The following PRUNE2 variants were observed in gnomAD, a reference collection of about 807,000 sequenced individuals.
PRUNE2 encodes the protein protein prune homolog 2.
A neutral mutation model predicts 252.0 loss-of-function variants in PRUNE2; 164 were observed. The observed-to-expected ratio is 0.65, with a 90% CI of 0.57 to 0.74. The LOEUF (loss-of-function observed/expected upper bound fraction) is 0.74, where lower values mean the gene tolerates loss of function less well. Among genes scored for constraint, PRUNE2 ranks in the 30% least tolerant of loss-of-function variants. The pLI is 0.00. For synonymous variants in PRUNE2, 1,292 were observed against 1,350.2 expected, an observed-to-expected ratio of 0.96 and a Z score of 0.94; for missense variants, 3,495 against 3,711.0, an observed-to-expected ratio of 0.94 and a Z score of 1.51.
intron 3 of PRUNE2, among the ~76,000 whole-genome samples, chr9:76,849,749 C>T (rs2059854314): frequency 1.3e-5 from 2 of 152,034 alleles, no homozygotes; most frequent in South Asian, 4.2e-4. Context: ...TCGCTTGAAC[C>T]TGGGAGGTGG....
At chr9:76,680,131 C>T (rs747391013) in intron 9 of PRUNE2, among the ~76,000 whole-genome samples, 3 of 152,042 alleles carry the variant, frequency 2.0e-5, no homozygotes, top group Non-Finnish European at 4.4e-5. Context: ...ATCTAGAATA[C>T]ATAAAGAACT....
At chr9:76,825,317 A>G (rs771565745) in intron 5 of PRUNE2, among the ~76,000 whole-genome samples, 10 of 152,214 alleles carry the variant, frequency 6.6e-5, no homozygotes, top group Admixed American at 2.0e-4. Flanking sequence ...ACATTTAACC[A>G]TCAGCTCCTG....
At chr9:76,637,927 T>A (rs1840841714) in intron 13 of PRUNE2, among the ~76,000 whole-genome samples, 1 of 152,160 alleles carries the variant, frequency 6.6e-6, no homozygotes, top group Admixed American at 6.5e-5. Context: ...AAATAATACT[T>A]TGCCCAAAGG....
intron 6 of PRUNE2, among the ~76,000 whole-genome samples, chr9:76,807,051 T>TGTGTGTGTGTGC (rs60768420): frequency 3.6e-5 from 5 of 139,456 alleles, no homozygotes; most frequent in African/African-American, 1.4e-4. Context: ...TGTGTGTGTG[T>TGTGTGTGTGTGC]GCGCGCGCGC....
chr9:76,892,356 G>A (rs2062537348), intron 1 of PRUNE2, among the ~76,000 whole-genome samples: 1 of 152,184 alleles, frequency 6.6e-6, no homozygotes, highest in South Asian at 2.1e-4. Flanking sequence ...AGTTCACCCA[G>A]AAGTCAATTT....
chr9:76,813,662 T>G (rs2057503716), intron 6 of PRUNE2, among the ~76,000 whole-genome samples: 2 of 152,340 alleles, frequency 1.3e-5, no homozygotes, highest in South Asian at 2.1e-4. Flanking sequence ...ACATTTTTGT[T>G]GCAATTACAC....
At position 76,704,913 on chromosome 9, in the gene PRUNE2, T is replaced by A; in HGVS notation, c.7361A>T (p.Gln2454Leu). ...TTCACGAATATGCAGCACAGCCAGCTGGGATCCAGGCAGTCTGTTTTTGGT... is the reference window on the plus strand; with the variant it reads ...TTCACGAATATGCAGCACAGCCAGCAGGGATCCAGGCAGTCTGTTTTTGGT... ...AETKNRLPGS[Q>L]LAVLHIREDP... The change falls in exon 8 of 19, where the codon CAG (glutamine) becomes CTG (leucine). Residue 2454 changes from glutamine to leucine, a missense_variant. Coordinates refer to ENST00000376718, the MANE Select transcript of PRUNE2 (RefSeq NM_015225.3). 6.2e-7 allele frequency: 1 copy of A among 1,611,700 alleles called. No homozygotes were observed. Among genetic ancestry groups the A allele is most frequent in the Non-Finnish European group, 8.5e-7 (1 of 1,178,748 alleles).
Position 76,652,632 on chromosome 9 carries a change from A to C in PRUNE2, c.8408T>G (p.Leu2803Arg). 6.2e-7 allele frequency: 1 copy of C among 1,613,192 alleles called. No homozygotes were observed. The highest frequency in any genetic ancestry group is 8.5e-7 in the Non-Finnish European group (1 of 1,179,290). Reference sequence around the variant, plus strand: ...AGAAAGATTGATATTTGGGGCTGTGAGCTTGATTCTCCGAGGATGAGTGTC... The same window carrying C: ...AGAAAGATTGATATTTGGGGCTGTGCGCTTGATTCTCCGAGGATGAGTGTC... ...LNDTHPRRIKLTAPNINLSLD... is the reference protein window; with the variant it reads ...LNDTHPRRIKRTAPNINLSLD... Residue 2803 changes from leucine to arginine, a missense_variant, in exon 11 of 19, where the codon CTC (leucine) becomes CGC (arginine). Physicochemically the swap from Leu to Arg is moderately radical, Grantham distance 102 (BLOSUM62 -2). Transcript: ENST00000376718.
chr9:76,860,179 A>G (rs952592600), intron 1 of PRUNE2, among the ~76,000 whole-genome samples: 8 of 152,212 alleles, frequency 5.3e-5, no homozygotes, highest in Non-Finnish European at 1.2e-4. Context: ...CCAAATCTGA[A>G]ACATATCTCA....
At position 76,749,124 on chromosome 9, in the gene PRUNE2, G is replaced by A. The variant is rs139503061; in HGVS notation, c.757-35403C>T. On this transcript the variant is annotated intron_variant, in intron 6 of 18. Transcript: ENST00000376718. ...GCCAAAGAAGTTAGGATTACAAGAC[G>A]TCGGTTCCATGTAGAAACTAAAGAT... Among the ~76,000 whole-genome samples, 292 of 152,284 alleles carry A rather than the reference G, an allele frequency of 1.9e-3. 1 individual carries two copies. Among genetic ancestry groups the A allele is most frequent in the African/African-American group, 6.7e-3 (280 of 41,540 alleles).
intron 2 of PRUNE2, among the ~76,000 whole-genome samples, chr9:76,852,845 T>TATCC (rs966668642): frequency 1.3e-5 from 2 of 149,580 alleles, no homozygotes; most frequent in Non-Finnish European, 3.0e-5. Flanking sequence ...TCTATCTATC[T>TATCC]ATCCATGTGT....
chr9:76,820,656 G>A lies in PRUNE2; in HGVS notation c.756+2976C>T, dbSNP rs568383379. On this transcript the variant is annotated intron_variant, in intron 6 of 18. Coordinates refer to ENST00000376718, the MANE Select transcript of PRUNE2 (RefSeq NM_015225.3). ...CAGAACCTATAGTTGATTTCTGCCAGTGACAACAGCTAACGACTTTGCAAA... is the reference window on the plus strand; with the variant it reads ...CAGAACCTATAGTTGATTTCTGCCAATGACAACAGCTAACGACTTTGCAAA... 3.3e-5 allele frequency among the ~76,000 whole-genome samples: 5 copies of A among 152,310 alleles called. No homozygotes were observed. The South Asian group carries it at 1.0e-3, about 32-fold the overall frequency.
intron 9 of PRUNE2, chr9:76,700,065 C>T (rs894460326): frequency 6.6e-6 from 1 of 152,322 alleles, no homozygotes; most frequent in Non-Finnish European, 1.5e-5. Context: ...TGCTGCAAAT[C>T]TCAAGGGAGA....
chr9:76,896,395 A>G (rs2062825148), intron 1 of PRUNE2, among the ~76,000 whole-genome samples: 1 of 152,190 alleles, frequency 6.6e-6, no homozygotes, highest in African/African-American at 2.4e-5. Context: ...GTTTTCAATA[A>G]TCAACTTTAG....
chr9:76,642,103 T>A (rs1842893442), intron 12 of PRUNE2: 3 of 773,102 alleles, frequency 3.9e-6, no homozygotes, highest in Non-Finnish European at 2.0e-6. Flanking sequence ...AGCTCCAAGT[T>A]CAAAAAAAAA....
intron 9 of PRUNE2, among the ~76,000 whole-genome samples, chr9:76,688,849 G>A (rs886429814): frequency 3.0e-4 from 46 of 152,096 alleles, no homozygotes; most frequent in African/African-American, 1.1e-3. Flanking sequence ...TACCTTTTAG[G>A]CAAAATGAGA....
chr9:76,873,738 G>A (rs1413574943), intron 1 of PRUNE2, among the ~76,000 whole-genome samples: 1 of 152,160 alleles, frequency 6.6e-6, no homozygotes, highest in East Asian at 1.9e-4. Context: ...GGCCAACTAT[G>A]GACGGGCTAC....
chr9:76,649,774 AAG>A (rs1846611463), intron 11 of PRUNE2, among the ~76,000 whole-genome samples: 1 of 152,190 alleles, frequency 6.6e-6, no homozygotes, highest in Non-Finnish European at 1.5e-5. Flanking sequence ...AATTGCTTGA[AAG>A]AGAAGACCAA....
rs578218996 is a variant in PRUNE2, at chr9:76,612,922, G to A, written c.*1648C>T. On this transcript the variant is annotated 3_prime_UTR_variant, in exon 19 of 19. Transcript: ENST00000376718. ...AATTTTCCACCATGAGACTAGGGTGGAACCGCTCTCACCCCTTCATTTTTA... is the reference window on the plus strand; with the variant it reads ...AATTTTCCACCATGAGACTAGGGTGAAACCGCTCTCACCCCTTCATTTTTA... 6.6e-6 allele frequency: 1 copy of A among 152,202 alleles called. No individual in the cohort carries two copies. Among genetic ancestry groups the A allele is most frequent in the Non-Finnish European group, 1.5e-5 (1 of 68,022 alleles). The allele number at this position is 152,202 out of a possible 1,614,324, so 9.4% of individuals were successfully genotyped here. A position where few individuals can be genotyped will look rare whatever the true frequency, so the allele number is the denominator to read the frequency against.
Sources: gnomAD v4.1 joint callset for allele counts (sites outside exome capture counted in the v4.1 genomes callset) on GRCh38, gnomAD v4.1.1 for gene constraint, MANE v1.5 for transcripts, NCBI Gene and HGNC (gene_info 2026-07-23, HGNC 2026-07-21) for gene names.